The following RGMA variants were observed in gnomAD, a reference collection of about 807,000 sequenced individuals.
RGMA encodes repulsive guidance molecule A.
In RGMA, 10 loss-of-function variants were observed where a neutral mutation model predicts 23.2. The observed-to-expected ratio is 0.43, with a 90% CI of 0.27 to 0.73. The LOEUF is 0.73. Ranked by LOEUF, RGMA falls within the 30% of genes least tolerant of loss-of-function variation. The pLI is 0.20. For synonymous variants in RGMA, 308 were observed against 279.3 expected (o/e 1.10, Z -1.03); for missense variants, 547 against 630.5 (o/e 0.87, Z 1.42).
chr15:93,073,243 C>A, intron 1 of RGMA: 1 of 1,082,592 alleles, frequency 9.2e-7, no homozygotes, highest in Non-Finnish European at 1.1e-6. Context: ...GCCCCGCGCC[C>A]CAGCCGCCTG....
chr15:93,051,215 C>G (rs2054913301), intron 3 of RGMA, among the ~76,000 whole-genome samples: 1 of 152,196 alleles, frequency 6.6e-6, no homozygotes, highest in Admixed American at 6.5e-5. Flanking sequence ...TCGCTGTCCT[C>G]CTCTGGGTGT....
intron 2 of RGMA, among the ~76,000 whole-genome samples, chr15:93,055,198 C>A (rs975583526): frequency 6.6e-6 from 1 of 152,150 alleles, no homozygotes; most frequent in Non-Finnish European, 1.5e-5. Context: ...TGGATGGCCA[C>A]GCTCAAGCTC....
At chr15:93,066,457 C>T (rs956812390) in intron 2 of RGMA, 8 of 580,634 alleles carry the variant, frequency 1.4e-5, no homozygotes, top group Admixed American at 8.7e-5. Context: ...CGGGTTGCCA[C>T]GGGTGCGGGG....
In RGMA at chr15:93,089,018, A is replaced by G. The variant is rs1895690476; in HGVS notation, c.-86T>C. ...GGGCGCCGCTCGTCTGCCCCGGGGC[A>G]AGGTGGGAGGGGCTCCGCTGGCGCT... On this transcript the variant is annotated 5_prime_UTR_variant, in exon 1 of 4. Coordinates refer to ENST00000329082, the MANE Select transcript of RGMA (RefSeq NM_020211.3). 2 of 873,000 alleles carry G rather than the reference A, an allele frequency of 2.3e-6. No homozygotes were observed. Among genetic ancestry groups the G allele is most frequent in the East Asian group, 6.8e-5 (2 of 29,234 alleles). 54.1% of individuals were successfully genotyped at this position (873,000 alleles called of 1,614,324 possible). A position where few individuals can be genotyped will look rare whatever the true frequency, so the allele number is the denominator to read the frequency against.
chr15:93,056,990 GC>G (rs1422088797), intron 2 of RGMA, among the ~76,000 whole-genome samples: 2 of 152,146 alleles, frequency 1.3e-5, no homozygotes, highest in Non-Finnish European at 2.9e-5. Flanking sequence ...GAGGGAGCCT[GC>G]CCCTCCCTGG....
chr15:93,088,864 G>A lies in RGMA; in HGVS notation c.14+55C>T, dbSNP rs919056774. ...AGCGCCGTGGCCCCGGCATGTGTCGGCGGCGCCTCGGAGATGTCAGAGCCG... is the reference window on the plus strand; with the variant it reads ...AGCGCCGTGGCCCCGGCATGTGTCGACGGCGCCTCGGAGATGTCAGAGCCG... On this transcript the variant is annotated intron_variant, in intron 1 of 3. Transcript: ENST00000329082. 14 of 1,468,496 alleles carry A rather than the reference G, an allele frequency of 9.5e-6. No individual in the cohort carries two copies. The East Asian group carries it at 2.9e-4, about 30-fold the overall frequency. 91.0% of individuals were successfully genotyped at this position (1,468,496 alleles called of 1,614,324 possible). A position where few individuals can be genotyped will look rare whatever the true frequency, so the allele number is the denominator to read the frequency against.
At chr15:93,072,303 A>C (rs1895353053) in intron 2 of RGMA, among the ~76,000 whole-genome samples, 1 of 152,220 alleles carries the variant, frequency 6.6e-6, no homozygotes, top group Admixed American at 6.5e-5. Context: ...TTTCAGCTTT[A>C]ATTCTGAAAT....
At chr15:93,088,797 G>GAT in intron 1 of RGMA, 122 bp downstream of exon 1, 1 of 973,228 alleles carries the variant, frequency 1.0e-6, no homozygotes, top group East Asian at 3.2e-5. Flanking sequence ...ATGTGGGCAA[G>GAT]ATGGGAGCAA....
rs749479528 is a variant in RGMA, at chr15:93,052,145, G to C, written c.493C>G (p.Leu165Val). 6.2e-7 allele frequency: 1 copy of C among 1,613,968 alleles called. No homozygotes were observed. The highest frequency in any genetic ancestry group is 8.5e-7 in the Non-Finnish European group (1 of 1,179,890). The change falls in exon 3 of 4, where the codon CTC (leucine) becomes GTC (valine). Residue 165 changes from leucine to valine, a missense_variant. Physicochemically the swap from Leu to Val is conservative, Grantham distance 32 (BLOSUM62 1). Coordinates refer to ENST00000329082, the MANE Select transcript of RGMA (RefSeq NM_020211.3). Reference protein sequence around the residue: ...SATPNYTHCGLFGDPHLRTFT... With the variant: ...SATPNYTHCGVFGDPHLRTFT... The stretch of plus-strand genomic sequence containing the variant: ...GTCCTGAGGTGTGGGTCCCCGAAGA[G>C]GCCACAGTGCGTGTAGTTGGGGGTG...
At position 93,043,306 on chromosome 15, in the gene RGMA, A is replaced by ACACACATGCGCGCG. The variant is rs1567175488; in HGVS notation, c.*1691_*1692insCGCGCGCATGTGTG. 2.8e-5 allele frequency: 4 copies of ACACACATGCGCGCG among 141,654 alleles called. No individual in the cohort carries two copies. The highest frequency in any genetic ancestry group is 6.9e-5 in the Admixed American group (1 of 14,504). 8.8% of individuals were successfully genotyped at this position (141,654 alleles called of 1,614,324 possible). On this transcript the variant is annotated 3_prime_UTR_variant, in exon 4 of 4. Transcript: ENST00000329082. ...CATGCGCGCACACACACATGCGCGC[A>ACACACATGCGCGCG]CACACACACACTTGCTGCAGGGGAT...
intron 1 of RGMA, among the ~76,000 whole-genome samples, chr15:93,083,527 C>T (rs764789877): frequency 1.3e-5 from 2 of 152,104 alleles, no homozygotes; most frequent in Admixed American, 6.6e-5. Flanking sequence ...CCGGGTTTCA[C>T]CATGTTGGCC....
At chr15:93,062,465 G>C (rs1420892300) in intron 2 of RGMA, among the ~76,000 whole-genome samples, 1 of 152,252 alleles carries the variant, frequency 6.6e-6, no homozygotes, top group Non-Finnish European at 1.5e-5. Flanking sequence ...GGGACCTCCA[G>C]AACAACTGAG....
Position 93,044,969 on chromosome 15 carries a change from A to G in RGMA, c.*29T>C. 6.5e-7 allele frequency: 1 copy of G among 1,545,524 alleles called. No homozygotes were observed. Among genetic ancestry groups the G allele is most frequent in the Non-Finnish European group, 8.8e-7 (1 of 1,139,554 alleles). ...ACACATGGGGAAGCCGAGAGGACGG[A>G]GCCCGCGCCTCCCTCCACATCTACG... On this transcript the variant is annotated 3_prime_UTR_variant, in exon 4 of 4. Transcript: ENST00000329082.
intron 2 of RGMA, among the ~76,000 whole-genome samples, chr15:93,061,501 C>T (rs572294712): frequency 1.3e-5 from 2 of 152,294 alleles, no homozygotes; most frequent in Admixed American, 1.3e-4. Context: ...ACCCTGTGCC[C>T]GGGAGATGCA....
chr15:93,047,743 G>A (rs2054848119), intron 3 of RGMA, among the ~76,000 whole-genome samples: 1 of 152,224 alleles, frequency 6.6e-6, no homozygotes, highest in African/African-American at 2.4e-5. Context: ...ACTTGGGGGA[G>A]GCATGAGGAC....
chr15:93,051,876 G>C (rs1229951324), intron 3 of RGMA, 117 bp downstream of exon 3: 8 of 1,113,378 alleles, frequency 7.2e-6, no homozygotes, highest in Non-Finnish European at 8.9e-6. Context: ...CTGTGTCCCC[G>C]CTCCGCTCCG....
chr15:93,047,972 T>C (rs138790199), intron 3 of RGMA, among the ~76,000 whole-genome samples: 2,232 of 152,196 alleles, frequency 0.015, 52 homozygotes, highest in African/African-American at 0.051. Flanking sequence ...TGGCCAGGAA[T>C]GCAGCATGAG....
intron 1 of RGMA, among the ~76,000 whole-genome samples, chr15:93,075,174 G>A (rs1158087034): frequency 6.6e-6 from 1 of 151,568 alleles, no homozygotes; most frequent in East Asian, 1.9e-4. Context: ...AAAAAAAAAG[G>A]AGTTTCTCCC....
In RGMA at chr15:93,045,113, A is replaced by G. The variant is rs376138060; in HGVS notation, c.1238T>C (p.Leu413Pro). The change falls in exon 4 of 4, where the codon CTG (leucine) becomes CCG (proline). Residue 413 changes from leucine (L) to proline (P), a missense_variant. By Grantham distance (98) the Leu-to-Pro change is moderately conservative (BLOSUM62 -3). This residue lies in a region of RGMA where 205 missense variants were observed against 204.1 expected (regional missense o/e 1.00). Transcript: ENST00000329082. This position sits in a 1 kb window ranked among gnomAD's most constrained non-coding sequence, Gnocchi z 6.9. Reference sequence around the variant, plus strand: ...TGGCAGGTCCCGAGTCCTCTCATACAGGTGCAGTTTGTCTTTGTTGGAGTG... The same window carrying G: ...TGGCAGGTCCCGAGTCCTCTCATACGGGTGCAGTTTGTCTTTGTTGGAGTG... ...MLHSNKDKLH[L>P]YERTRDLPGR... The G allele has an allele frequency of 1.4e-5, 22 of 1,591,146 alleles. No individual in the cohort carries two copies. In the Admixed American group the frequency reaches 1.4e-4, roughly 10 times the overall value.
Sources: allele counts gnomAD v4.1 joint callset (sites outside exome capture counted in the v4.1 genomes callset), GRCh38; gene constraint gnomAD v4.1.1; regional missense constraint gnomAD v4.1.1; non-coding constraint Gnocchi (gnomAD v3.1); transcripts MANE v1.5; gene names NCBI Gene and HGNC (gene_info 2026-07-23, HGNC 2026-07-21).